CCDC178: variants seen among roughly 807,000 people sequenced by gnomAD.
The protein encoded by CCDC178 is coiled-coil domain containing 178.
A neutral mutation model predicts 117.4 loss-of-function variants in CCDC178; 126 were observed. The observed-to-expected ratio is 1.07, with a 90% CI of 0.93 to 1.24. CCDC178 has a LOEUF of 1.24. Among genes scored for constraint, CCDC178 ranks in the 50% most tolerant of loss-of-function variants. The pLI is 0.00. For synonymous variants in CCDC178, 283 were observed against 313.4 expected, an observed-to-expected ratio of 0.90 and a Z score of 1.02; for missense variants, 1,030 against 986.9, an observed-to-expected ratio of 1.04 and a Z score of -0.59.
intron 15 of CCDC178, among the ~76,000 whole-genome samples, chr18:33,240,414 C>T (rs181439787): frequency 6.6e-6 from 1 of 150,386 alleles, no homozygotes; most frequent in Non-Finnish European, 1.5e-5. Context: ...AAATACAGTA[C>T]AAAAATCAAT....
intron 6 of CCDC178, among the ~76,000 whole-genome samples, chr18:33,367,182 A>T (rs923222879): frequency 6.6e-6 from 1 of 152,066 alleles, no homozygotes; most frequent in African/African-American, 2.4e-5. Context: ...CAGGCATGCA[A>T]TGTGAAACAA....
intron 21 of CCDC178, among the ~76,000 whole-genome samples, chr18:33,033,831 T>A (rs1335676647): frequency 6.6e-6 from 1 of 151,992 alleles, no homozygotes; most frequent in African/African-American, 2.4e-5. Context: ...ATCCCACTAT[T>A]TTTTTCAAAT....
intron 9 of CCDC178, among the ~76,000 whole-genome samples, chr18:33,344,430 G>A (rs1164954368): frequency 6.6e-6 from 1 of 151,438 alleles, no homozygotes; most frequent in Non-Finnish European, 1.5e-5. Context: ...AGTAGATCTT[G>A]TATTGATTAA....
chr18:33,206,597 T>A (rs971336300), intron 20 of CCDC178, among the ~76,000 whole-genome samples: 3 of 152,046 alleles, frequency 2.0e-5, no homozygotes, highest in Non-Finnish European at 4.4e-5. Context: ...GTTAAAATAA[T>A]TTTTTTCTAG....
intron 20 of CCDC178, among the ~76,000 whole-genome samples, chr18:33,176,535 G>C (rs1348269083): frequency 6.6e-6 from 1 of 151,978 alleles, no homozygotes; most frequent in African/African-American, 2.4e-5. Flanking sequence ...ACCACATTTA[G>C]GTTTTCACAG....
intron 20 of CCDC178, among the ~76,000 whole-genome samples, chr18:33,186,107 A>G (rs916940839): frequency 6.6e-6 from 1 of 152,090 alleles, no homozygotes; most frequent in African/African-American, 2.4e-5. Flanking sequence ...AGTTAGATAC[A>G]TATGATGTAG....
chr18:33,415,544 C>A (rs1452495677), intron 2 of CCDC178, among the ~76,000 whole-genome samples: 1 of 149,736 alleles, frequency 6.7e-6, no homozygotes, highest in Non-Finnish European at 1.5e-5. Flanking sequence ...CACATCAGGG[C>A]CTGTCGTGGG....
chr18:32,949,534 A>G (rs1281027552), intron 22 of CCDC178, among the ~76,000 whole-genome samples: 2 of 152,020 alleles, frequency 1.3e-5, no homozygotes, highest in Non-Finnish European at 2.9e-5. Flanking sequence ...ATCTTATTCT[A>G]TGTATTTTTC....
chr18:33,386,259 C>T (rs2063490763), intron 5 of CCDC178, among the ~76,000 whole-genome samples: 1 of 152,162 alleles, frequency 6.6e-6, no homozygotes, highest in Non-Finnish European at 1.5e-5. Flanking sequence ...GGATTTATAG[C>T]TGAATTCTAC....
intron 21 of CCDC178, among the ~76,000 whole-genome samples, chr18:33,019,413 T>C (rs1447246317): frequency 6.6e-6 from 1 of 152,192 alleles, no homozygotes; most frequent in Non-Finnish European, 1.5e-5. Flanking sequence ...CAGCTTACTC[T>C]TTTCTTATCC....
chr18:32,963,858 G>T (rs761890424), intron 22 of CCDC178, among the ~76,000 whole-genome samples: 2 of 151,970 alleles, frequency 1.3e-5, no homozygotes, highest in Non-Finnish European at 2.9e-5. Context: ...CTTTCATATT[G>T]TGGGAATCCC....
intron 15 of CCDC178, among the ~76,000 whole-genome samples, chr18:33,237,824 A>C (rs1217069696): frequency 6.6e-6 from 1 of 152,058 alleles, no homozygotes; most frequent in African/African-American, 2.4e-5. Flanking sequence ...CTGAAGACAC[A>C]CCTGAAGGCA....
chr18:33,102,418 T>A (rs375469388), intron 20 of CCDC178, among the ~76,000 whole-genome samples: 31 of 142,580 alleles, frequency 2.2e-4, no homozygotes, highest in African/African-American at 8.7e-4. Flanking sequence ...GGAGAGTGCT[T>A]TGAAGTAAAA....
intron 20 of CCDC178, among the ~76,000 whole-genome samples, chr18:33,210,682 T>C (rs901785226): frequency 2.0e-5 from 3 of 151,982 alleles, no homozygotes; most frequent in African/African-American, 7.2e-5. Context: ...AGAGGTGCAT[T>C]GGAGTCTAAG....
chr18:33,272,655 T>C (rs1000061650), intron 12 of CCDC178, among the ~76,000 whole-genome samples: 1 of 151,514 alleles, frequency 6.6e-6, no homozygotes, highest in African/African-American at 2.4e-5. Flanking sequence ...CTTAACAAAA[T>C]AGTTGCGGAA....
At chr18:33,275,334 A>C (rs2059935135) in intron 12 of CCDC178, among the ~76,000 whole-genome samples, 3 of 151,958 alleles carry the variant, frequency 2.0e-5, no homozygotes, top group African/African-American at 7.2e-5. Context: ...CTTAGTTCTA[A>C]TCCAATAATT....
chr18:33,339,879 G>C (rs1350868359), intron 9 of CCDC178, among the ~76,000 whole-genome samples: 5 of 151,960 alleles, frequency 3.3e-5, no homozygotes, highest in African/African-American at 1.2e-4. Context: ...TTTCTTCCTA[G>C]TCTCGGGTAT....
chr18:32,945,661 T>G (rs946686058), intron 22 of CCDC178, among the ~76,000 whole-genome samples: 3 of 152,158 alleles, frequency 2.0e-5, no homozygotes, highest in African/African-American at 7.2e-5. Context: ...ACCAAATAAA[T>G]TATTTGGCAG....
chr18:33,331,915 T>A (rs1454258058), intron 10 of CCDC178, among the ~76,000 whole-genome samples: 1 of 152,210 alleles, frequency 6.6e-6, no homozygotes, highest in Non-Finnish European at 1.5e-5. Context: ...GAGGAAGGTA[T>A]TCATGTGTGA....
Sources: gnomAD v4.1 joint callset for allele counts (sites outside exome capture counted in the v4.1 genomes callset) on GRCh38, gnomAD v4.1.1 for gene constraint, MANE v1.5 for transcripts, NCBI Gene and HGNC (gene_info 2026-07-23, HGNC 2026-07-21) for gene names.